The following TM2D3 variants were observed in gnomAD, a reference collection of about 807,000 sequenced individuals.
The protein encoded by TM2D3 is TM2 domain-containing protein 3.
Under a neutral mutation model 27.3 loss-of-function variants are expected in TM2D3, and 33 were observed. That is an observed-to-expected ratio of 1.21 (90% CI 0.92 to 1.61). The LOEUF (loss-of-function observed/expected upper bound fraction) is 1.61, where lower values mean the gene tolerates loss of function less well. Ranked by LOEUF, TM2D3 falls within the 40% of genes most tolerant of loss-of-function variation. The pLI, the probability that TM2D3 is intolerant of heterozygous loss-of-function variation, is 0.00. For missense variants in TM2D3, 364 were observed against 320.8 expected (o/e 1.13, Z -1.03); for synonymous variants, 138 against 122.2 (o/e 1.13, Z -0.85).
At chr15:101,635,088 A>C (rs940110804) in intron 4 of TM2D3, 17 of 152,344 alleles carry the variant, frequency 1.1e-4, no homozygotes, top group African/African-American at 4.1e-4. Context: ...TGAGCCTGGG[A>C]GGTGGAGATT....
intron 2 of TM2D3, chr15:101,651,108 T>C (rs1259499580): frequency 2.6e-5 from 4 of 152,796 alleles, no homozygotes; most frequent in African/African-American, 9.6e-5. Context: ...AAGGAACAAT[T>C]CTACAAAATA....
exon 5 of TM2D3, chr15:101,633,426 C>A: frequency 2.6e-6 from 1 of 383,312 alleles, no homozygotes; most frequent in Non-Finnish European, 4.7e-6. Flanking sequence ...ATCTTGGAGT[C>A]TTCTTCCAAC....
chr15:101,638,610 TTC>T (rs1440883304), downstream of TM2D3, among the ~76,000 whole-genome samples: 15 of 152,134 alleles, frequency 9.9e-5, no homozygotes, highest in African/African-American at 2.4e-5. Flanking sequence ...CAGTGAGACT[TTC>T]TGAGTTTTGT....
intron 4 of TM2D3, chr15:101,635,085 G>C (rs1169939437): frequency 6.6e-6 from 1 of 152,194 alleles, no homozygotes; most frequent in Non-Finnish European, 1.5e-5. Context: ...TCTTGAGCCT[G>C]GGAGGTGGAG....
In TM2D3 at chr15:101,651,980, A is replaced by AG. The variant is rs1422282171; in HGVS notation, c.92-208dup. The AG allele has an allele frequency of 5.0e-6, 3 of 600,974 alleles. No individual in the cohort carries two copies. The African/African-American group carries it at 5.7e-5, about 11-fold the overall frequency. 37.2% of individuals were successfully genotyped at this position (600,974 alleles called of 1,614,324 possible). A position where few individuals can be genotyped will look rare whatever the true frequency, so the allele number is the denominator to read the frequency against. ...AGGTCAGCCGGCAACGAGGGACCGA[A>AG]GGATGACATCGCGCTCCAGTTCCGC... On this transcript the variant is annotated intron_variant, in intron 1 of 5. Transcript: ENST00000333202.
Position 101,650,092 on chromosome 15 carries a change from T to C in TM2D3, c.239A>G (p.Asp80Gly), listed in dbSNP as rs1431128159. ...SNGLCSRLPADCIDCTTNFSC... is the reference protein window; with the variant it reads ...SNGLCSRLPAGCIDCTTNFSC... Reference sequence around the variant, plus strand: ...GAAATTTGTTGTGCAGTCTATACAGTCTGCAGGAAGCCTGCTACACAAACC... The same window carrying C: ...GAAATTTGTTGTGCAGTCTATACAGCCTGCAGGAAGCCTGCTACACAAACC... Residue 80 changes from aspartate to glycine, a missense_variant, in exon 3 of 6, where the codon GAC (aspartate) becomes GGC (glycine). Asp to Gly is a moderately conservative substitution (Grantham distance 94). Coordinates refer to ENST00000333202, the MANE Select transcript of TM2D3 (RefSeq NM_078474.3). The C allele has an allele frequency of 4.3e-6, 7 of 1,613,744 alleles. No homozygotes were observed. Among genetic ancestry groups the C allele is most frequent in the Non-Finnish European group, 5.9e-6 (7 of 1,179,734 alleles).
downstream of TM2D3, among the ~76,000 whole-genome samples, chr15:101,639,812 TAC>T (rs1330722338): frequency 2.0e-5 from 3 of 152,200 alleles, no homozygotes; most frequent in Admixed American, 6.5e-5. Context: ...CCTGGAATTG[TAC>T]ACAGTCCCTT....
At chr15:101,641,133 C>G (rs1001499074), downstream of TM2D3, among the ~76,000 whole-genome samples, 2 of 152,158 alleles carry the variant, frequency 1.3e-5, no homozygotes, top group African/African-American at 2.4e-5. Flanking sequence ...AAGAAAAGAT[C>G]GTCTTCTAAA....
chr15:101,646,244 G>A (rs1237267547), intron 4 of TM2D3: 1 of 157,188 alleles, frequency 6.4e-6, no homozygotes, highest in Non-Finnish European at 1.4e-5. Context: ...AGAGCACACA[G>A]CCTGAAATCA....
downstream of TM2D3, among the ~76,000 whole-genome samples, chr15:101,637,310 T>C (rs1896572196): frequency 6.6e-6 from 1 of 152,280 alleles, no homozygotes; most frequent in East Asian, 1.9e-4. Context: ...GAGAATAGAT[T>C]GGAAATGTTT....
At chr15:101,651,831 A>G (rs507903) in intron 1 of TM2D3, 58 bp from the exon 2 acceptor site, 656,614 of 1,583,954 alleles carry the variant, frequency 0.41, 144,181 homozygotes, top group Non-Finnish European at 0.46. Context: ...AGAAAACCTT[A>G]TTTTGTGTGG....
intron 5 of TM2D3, among the ~76,000 whole-genome samples, chr15:101,643,842 A>C (rs906989574): frequency 1.3e-5 from 2 of 151,986 alleles, no homozygotes; most frequent in Admixed American, 6.5e-5. Context: ...AACCATTGTC[A>C]GCAATGGTTA....
At chr15:101,641,756 C>T (rs1290123989), downstream of TM2D3, 4 of 393,990 alleles carry the variant, frequency 1.0e-5, no homozygotes, top group Non-Finnish European at 1.4e-5. Context: ...TGGAGTAATG[C>T]CCTGAAAGAT....
rs1329073303 is a variant in TM2D3 at position 101,636,760 on chromosome 15, G to T, written c.501-3032C>A. ...AATTGCCAGACTGTTTTCCTGGGCA[G>T]CTACATCACTTTACATCCCCACCAG... On this transcript the variant is annotated intron_variant, in intron 4 of 4. Transcript: ENST00000428002. The T allele has an allele frequency of 2.8e-5, 6 of 217,580 alleles. No individual in the cohort carries two copies. The East Asian group carries it at 9.0e-4, about 33-fold the overall frequency. The allele number at this position is 217,580 out of a possible 1,614,324, so 13.5% of individuals were successfully genotyped here. A position where few individuals can be genotyped will look rare whatever the true frequency, so the allele number is the denominator to read the frequency against.
chr15:101,650,235 A>G, intron 2 of TM2D3, 74 bp from the exon 3 acceptor site: 5 of 1,466,562 alleles, frequency 3.4e-6, no homozygotes, highest in Non-Finnish European at 4.6e-6. Context: ...TTCTAAGGTT[A>G]AGAGACGTGA....
intron 3 of TM2D3, 30 bp from the exon 4 acceptor site, chr15:101,646,929 A>G: frequency 1.9e-6 from 3 of 1,613,108 alleles, no homozygotes; most frequent in Non-Finnish European, 2.5e-6. Flanking sequence ...AAACTCATCA[A>G]TCACAATGGT....
At chr15:101,646,683 G>GAA in intron 4 of TM2D3, 42 bp downstream of exon 4, 1 of 1,612,366 alleles carries the variant, frequency 6.2e-7, no homozygotes, top group Non-Finnish European at 8.5e-7. Context: ...TAAACTTGGA[G>GAA]AAAAACATTT....
At chr15:101,642,781 C>G (rs1401168393) in intron 5 of TM2D3, 137 bp from the exon 6 acceptor site, 3 of 571,378 alleles carry the variant, frequency 5.3e-6, no homozygotes, top group Non-Finnish European at 8.2e-6. Context: ...ACACAAGTGA[C>G]TATTTCACAA....
rs1567310507 is a variant in TM2D3, at chr15:101,642,463, G to A, written c.*16C>T. ...CTTTTTCTAAGCCCTGCTCCTTTCT[G>A]AAGCACACACCACAGCTAAATGTAC... On this transcript the variant is annotated 3_prime_UTR_variant, in exon 6 of 6. Transcript: ENST00000333202. 1.3e-6 allele frequency: 2 copies of A among 1,592,966 alleles called. No individual in the cohort carries two copies. The highest frequency in any genetic ancestry group is 2.3e-5 in the East Asian group (1 of 43,970).
Sources: allele counts gnomAD v4.1 joint callset (sites outside exome capture counted in the v4.1 genomes callset), GRCh38; gene constraint gnomAD v4.1.1; transcripts MANE v1.5; gene names NCBI Gene and HGNC (gene_info 2026-07-23, HGNC 2026-07-21).